The following TCF12 variants were observed in gnomAD, a reference collection of about 807,000 sequenced individuals.
TCF12 encodes the protein transcription factor 12.
Under a neutral mutation model 86.0 loss-of-function variants are expected in TCF12, and 45 were observed. The ratio of observed to expected loss-of-function variants is 0.52; its 90% CI spans 0.41 to 0.67. The LOEUF (loss-of-function observed/expected upper bound fraction) is 0.67, where lower values mean the gene tolerates loss of function less well. Ranked by LOEUF, TCF12 falls within the 30% of genes least tolerant of loss-of-function variation. The probability of loss-of-function intolerance (pLI) is 0.00; values close to 1 mark genes in which losing one functional copy is unlikely to be tolerated. For synonymous variants in TCF12, 330 were observed against 299.6 expected, an observed-to-expected ratio of 1.10 and a Z score of -1.05; for missense variants, 881 against 859.9, an observed-to-expected ratio of 1.02 and a Z score of -0.31.
intron 3 of TCF12, among the ~76,000 whole-genome samples, chr15:56,946,397 A>G (rs192756882): frequency 5.9e-5 from 9 of 152,100 alleles, no homozygotes; most frequent in Non-Finnish European, 1.3e-4. Context: ...TAAACTTTTC[A>G]TTTCACAGAG....
rs527589266 is a variant in TCF12, at chr15:57,275,237, G to A, written c.1978+1975G>A. The stretch of plus-strand genomic sequence containing the variant: ...TCGTTAGGGATTGCTTTGATATTCA[G>A]AAAAGCCTACTTCTCCCCGGCCTTC... On this transcript the variant is annotated intron_variant, in intron 19 of 20. Transcript: ENST00000333725. Among the ~76,000 whole-genome samples, 7 of 151,422 alleles carry A rather than the reference G, an allele frequency of 4.6e-5. No individual in the cohort carries two copies. The East Asian group carries it at 1.4e-3, about 29-fold the overall frequency.
At chr15:57,078,843 T>C (rs1390366358) in intron 4 of TCF12, among the ~76,000 whole-genome samples, 3 of 152,220 alleles carry the variant, frequency 2.0e-5, no homozygotes, top group Admixed American at 2.0e-4. Flanking sequence ...CGGTTATTGC[T>C]GCTGATGAAA....
At chr15:57,052,321 G>T (rs1413888459) in intron 3 of TCF12, among the ~76,000 whole-genome samples, 1 of 152,094 alleles carries the variant, frequency 6.6e-6, no homozygotes, top group African/African-American at 2.4e-5. Context: ...TTACCAGGGA[G>T]ATTGGGAGAG....
At chr15:57,053,989 G>C (rs1211905354) in intron 3 of TCF12, among the ~76,000 whole-genome samples, 1 of 152,168 alleles carries the variant, frequency 6.6e-6, no homozygotes, top group African/African-American at 2.4e-5. Context: ...TAATTAATGA[G>C]TGAGTAAATG....
At chr15:57,186,500 G>C (rs996830555) in intron 6 of TCF12, among the ~76,000 whole-genome samples, 1 of 151,762 alleles carries the variant, frequency 6.6e-6, no homozygotes, top group African/African-American at 2.4e-5. Flanking sequence ...CCGTCTCGAA[G>C]AAAAAAAGAA....
intron 3 of TCF12, among the ~76,000 whole-genome samples, chr15:57,039,696 G>A (rs1049506680): frequency 1.3e-5 from 2 of 152,066 alleles, no homozygotes. Context: ...TGTGGGTTAT[G>A]CTTACTTATT....
At chr15:57,144,657 G>A (rs1373329632) in intron 5 of TCF12, among the ~76,000 whole-genome samples, 1 of 152,118 alleles carries the variant, frequency 6.6e-6, no homozygotes, top group Non-Finnish European at 1.5e-5. Context: ...GGAGTGTGGT[G>A]GCACGAGCTC....
chr15:57,150,929 T>C (rs56790904), intron 5 of TCF12, among the ~76,000 whole-genome samples: 15 of 132,120 alleles, frequency 1.1e-4, no homozygotes, highest in East Asian at 2.5e-4. Context: ...CTTCCTTCCT[T>C]CCTTCCTTCT....
At chr15:57,195,576 G>A (rs1367180184) in intron 7 of TCF12, among the ~76,000 whole-genome samples, 1 of 152,144 alleles carries the variant, frequency 6.6e-6, no homozygotes, top group Non-Finnish European at 1.5e-5. Flanking sequence ...CTTGCCTCTT[G>A]GGGTCAGAAA....
At chr15:56,987,589 A>C (rs1195353382) in intron 3 of TCF12, among the ~76,000 whole-genome samples, 1 of 152,198 alleles carries the variant, frequency 6.6e-6, no homozygotes, top group African/African-American at 2.4e-5. Context: ...TTAGGTAACT[A>C]TGGAATCTTC....
At chr15:57,103,441 G>A (rs551231795) in intron 5 of TCF12, among the ~76,000 whole-genome samples, 4 of 152,156 alleles carry the variant, frequency 2.6e-5, no homozygotes, top group Non-Finnish European at 5.9e-5. Flanking sequence ...TTAGCCAGAT[G>A]CAGTGGCACC....
chr15:56,940,620 C>T (rs1400180605), intron 3 of TCF12, among the ~76,000 whole-genome samples: 1 of 149,244 alleles, frequency 6.7e-6, no homozygotes, highest in Non-Finnish European at 1.5e-5. Flanking sequence ...TCTTCTCCCT[C>T]TCCTCCTTCT....
intron 3 of TCF12, among the ~76,000 whole-genome samples, chr15:57,054,730 C>G: frequency 1.2e-5 from 1 of 81,146 alleles, no homozygotes; most frequent in Non-Finnish European, 2.5e-5. Context: ...GTGGGATTTT[C>G]TTAGGACTCC....
intron 3 of TCF12, among the ~76,000 whole-genome samples, chr15:56,971,488 A>G (rs1449551599): frequency 2.6e-5 from 4 of 152,154 alleles, no homozygotes; most frequent in Non-Finnish European, 5.9e-5. Flanking sequence ...AAAATAGGTC[A>G]AAGTTATGGA....
At chr15:56,954,384 C>T (rs213147) in intron 3 of TCF12, among the ~76,000 whole-genome samples, 138,563 of 152,184 alleles carry the variant, frequency 0.91, 63,794 homozygotes, top group Non-Finnish European at 0.98. Flanking sequence ...AAGGTGAAAC[C>T]GGATCTCTTC....
At chr15:57,008,659 A>G (rs1567244306) in intron 3 of TCF12, among the ~76,000 whole-genome samples, 1 of 152,184 alleles carries the variant, frequency 6.6e-6, no homozygotes, top group Non-Finnish European at 1.5e-5. Context: ...CCAGGTTTTT[A>G]CAGGTAGAGA....
chr15:57,275,359 T>TGTGTGTAC (rs1555417688), intron 19 of TCF12, among the ~76,000 whole-genome samples: 32 of 23,938 alleles, frequency 1.3e-3, no homozygotes, highest in East Asian at 7.0e-3. Flanking sequence ...TGTGTGTGTG[T>TGTGTGTAC]GTGTACGTAT....
chr15:56,940,433 T>C (rs2060681005), intron 3 of TCF12, among the ~76,000 whole-genome samples: 1 of 152,084 alleles, frequency 6.6e-6, no homozygotes. Context: ...ATGATGTCTT[T>C]AGCAATTGTT....
intron 17 of TCF12, among the ~76,000 whole-genome samples, chr15:57,262,588 G>C (rs1167813622): frequency 6.6e-6 from 1 of 152,164 alleles, no homozygotes; most frequent in African/African-American, 2.4e-5. Context: ...TTGTTTTAGA[G>C]ATTATCATTT....
Sources: allele counts gnomAD v4.1 joint callset (sites outside exome capture counted in the v4.1 genomes callset), GRCh38; gene constraint gnomAD v4.1.1; transcripts MANE v1.5; gene names NCBI Gene and HGNC (gene_info 2026-07-23, HGNC 2026-07-21).